TBCD: variants seen among roughly 807,000 people sequenced by gnomAD.
TBCD encodes tubulin-specific chaperone D.
In TBCD, 105 loss-of-function variants were observed where a neutral mutation model predicts 169.3. The observed-to-expected ratio is 0.62, with a 90% CI of 0.53 to 0.73. The LOEUF (loss-of-function observed/expected upper bound fraction) is 0.73, where lower values mean the gene tolerates loss of function less well. Ranked by LOEUF, TBCD falls within the 30% of genes least tolerant of loss-of-function variation. TBCD has a pLI of 0.00. For missense variants in TBCD, 1,444 were observed against 1,600.1 expected (o/e 0.90, Z 1.66); for synonymous variants, 700 against 643.9 (o/e 1.09, Z -1.32).
rs778221063 is a variant in TBCD at position 82,752,365 on chromosome 17, G to A, written c.172G>A (p.Glu58Lys). 16 of 1,358,472 alleles carry A rather than the reference G, an allele frequency of 1.2e-5. No individual in the cohort carries two copies. Among genetic ancestry groups the A allele is most frequent in the African/African-American group, 3.1e-5 (2 of 64,632 alleles). The allele number at this position is 1,358,472 out of a possible 1,614,324, so 84.2% of individuals were successfully genotyped here. The change falls in exon 1 of 39, where the codon GAG (glutamate) becomes AAG (lysine). Residue 58 changes from glutamate to lysine, a missense_variant. Glu to Lys is a moderately conservative substitution (Grantham distance 56, BLOSUM62 1). Transcript: ENST00000355528. ...CGGCGCGGAGCGCGAGGTGGCCCTGGAGCGGTTCCGCGGTGCGTGGGCGGC... is the reference window on the plus strand; with the variant it reads ...CGGCGCGGAGCGCGAGGTGGCCCTGAAGCGGTTCCGCGGTGCGTGGGCGGC... ...GGGAEREVAL[E>K]RFRVIMDKYQ...
intron 26 of TBCD, among the ~76,000 whole-genome samples, chr17:82,924,475 G>A (rs2061601910): frequency 6.6e-6 from 1 of 152,210 alleles, no homozygotes; most frequent in African/African-American, 2.4e-5. Context: ...TCTGCTTCAT[G>A]AATCGTACTT....
chr17:82,926,561 T>C (rs2061780422), intron 28 of TBCD, 70 bp downstream of exon 28: 7 of 1,360,782 alleles, frequency 5.1e-6, no homozygotes, highest in Non-Finnish European at 6.2e-6. Flanking sequence ...CTAAGGGGGA[T>C]GTTTTTGCTC....
At chr17:82,803,846 G>A (rs1281698820) in intron 9 of TBCD, among the ~76,000 whole-genome samples, 1 of 151,832 alleles carries the variant, frequency 6.6e-6, no homozygotes, top group Admixed American at 6.6e-5. Context: ...GGCGGCTGGG[G>A]TGCACCGGTC....
chr17:82,823,961 A>G (rs1048974559), intron 13 of TBCD, among the ~76,000 whole-genome samples: 3 of 151,828 alleles, frequency 2.0e-5, no homozygotes, highest in Non-Finnish European at 4.4e-5. Context: ...TTGTAACTCT[A>G]GTCTACTTTC....
rs1254399891 is a variant in TBCD, at chr17:82,890,657, G to A, written c.1563+960G>A. The stretch of plus-strand genomic sequence containing the variant: ...GTGGTGTGGGCGGCTTTCTGTAGAC[G>A]GAGCCCAGGAAGGGGCGTGACTACT... On this transcript the variant is annotated intron_variant, in intron 16 of 38. Coordinates refer to ENST00000355528, the MANE Select transcript of TBCD (RefSeq NM_005993.5). This position sits in a 1 kb window ranked among gnomAD's most constrained non-coding sequence, Gnocchi z 5.3. Among the ~76,000 whole-genome samples the A allele has an allele frequency of 3.3e-4, 50 of 152,272 alleles. No individual in the cohort carries two copies. Among genetic ancestry groups the A allele is most frequent in the Non-Finnish European group, 1.5e-4 (10 of 68,016 alleles).
intron 19 of TBCD, among the ~76,000 whole-genome samples, chr17:82,905,559 A>G (rs2060187225): frequency 1.1e-5 from 1 of 94,628 alleles, no homozygotes; most frequent in Non-Finnish European, 2.0e-5. Context: ...CCGTGTGTGC[A>G]CGCCGTCACC....
intron 34 of TBCD, among the ~76,000 whole-genome samples, chr17:82,936,374 C>T (rs1375354186): frequency 6.6e-6 from 1 of 151,350 alleles, no homozygotes; most frequent in African/African-American, 2.5e-5. Flanking sequence ...CTTCGCCGTT[C>T]CCTGCGGCCC....
chr17:82,859,343 C>T (rs532192255), intron 13 of TBCD, among the ~76,000 whole-genome samples: 1 of 149,362 alleles, frequency 6.7e-6, no homozygotes, highest in Admixed American at 6.7e-5. Flanking sequence ...TGTGTCCTCC[C>T]TACACTGACA....
chr17:82,768,490 G>A lies in TBCD; in HGVS notation c.506G>A (p.Arg169His). 4 of 1,613,632 alleles carry A rather than the reference G, an allele frequency of 2.5e-6. No homozygotes were observed. The highest frequency in any genetic ancestry group is 3.4e-6 in the Non-Finnish European group (4 of 1,179,806). ...TGCCTGATCCCTTTTGATTTTTCTCGCCTTGACGGGAACCTCCTCACCCAG... is the reference window on the plus strand; with the variant it reads ...TGCCTGATCCCTTTTGATTTTTCTCACCTTGACGGGAACCTCCTCACCCAG... ...VTCLIPFDFS[R>H]LDGNLLTQPG... The change falls in exon 5 of 39, where the codon CGC becomes CAC. Residue 169 changes from arginine to histidine, a missense_variant. Coordinates refer to ENST00000355528, the MANE Select transcript of TBCD (RefSeq NM_005993.5).
chr17:82,848,774 C>G (rs2055374785), intron 13 of TBCD, among the ~76,000 whole-genome samples: 1 of 152,240 alleles, frequency 6.6e-6, no homozygotes, highest in South Asian at 2.1e-4. Context: ...ATCCTCTCTC[C>G]TGTGTCTCCT....
intron 9 of TBCD, among the ~76,000 whole-genome samples, chr17:82,801,644 GGCGGC>G (rs2050545742): frequency 3.0e-5 from 3 of 98,522 alleles, no homozygotes; most frequent in East Asian, 3.3e-4. Context: ...GTGGCAGGAG[GGCGGC>G]GTGTGCGTTG....
In TBCD at chr17:82,939,208, T is replaced by C. The variant is rs1415391441; in HGVS notation, c.3370-159T>C. 4.5e-6 allele frequency: 3 copies of C among 666,878 alleles called. No homozygotes were observed. The African/African-American group carries it at 5.4e-5, about 12-fold the overall frequency. The allele number at this position is 666,878 out of a possible 1,614,324, so 41.3% of individuals were successfully genotyped here. A position where few individuals can be genotyped will look rare whatever the true frequency, so the allele number is the denominator to read the frequency against. ...GTTAATGGGCCTGGAAGGCACCTCC[T>C]CTTGGTTGCAGCCCTGCTGTGGCTG... On this transcript the variant is annotated intron_variant, in intron 36 of 38. Transcript: ENST00000355528.
intron 13 of TBCD, among the ~76,000 whole-genome samples, chr17:82,828,132 G>A (rs6502134): frequency 0.95 from 136,354 of 143,650 alleles, 64,724 homozygotes; most frequent in East Asian, 0.99. Flanking sequence ...CACCCACACA[G>A]TTGAATGTGC....
chr17:82,875,953 C>T (rs1397049662), intron 14 of TBCD, among the ~76,000 whole-genome samples: 1 of 152,026 alleles, frequency 6.6e-6, no homozygotes, highest in Admixed American at 6.6e-5. Flanking sequence ...ATAGGCAGGT[C>T]CGATATGATT....
intron 16 of TBCD, 66 bp from the exon 17 acceptor site, chr17:82,893,481 G>T: frequency 7.8e-7 from 1 of 1,288,490 alleles, no homozygotes; most frequent in Non-Finnish European, 1.1e-6. Flanking sequence ...TGTGATTATT[G>T]AACTTGGTGA....
intron 7 of TBCD, among the ~76,000 whole-genome samples, chr17:82,788,297 T>C (rs1382989525): frequency 6.6e-6 from 1 of 152,146 alleles, no homozygotes; most frequent in Non-Finnish European, 1.5e-5. Context: ...GCTTGCTGAT[T>C]GATAGTTGTG....
At chr17:82,849,332 C>T (rs1183503981) in intron 13 of TBCD, among the ~76,000 whole-genome samples, 3 of 148,460 alleles carry the variant, frequency 2.0e-5, no homozygotes, top group Non-Finnish European at 4.5e-5. Context: ...TGCGTCGGGG[C>T]TGCCTACCGG....
chr17:82,777,704 G>A (rs1381815352), intron 6 of TBCD, among the ~76,000 whole-genome samples: 5 of 152,250 alleles, frequency 3.3e-5, no homozygotes, highest in Non-Finnish European at 2.9e-5. Flanking sequence ...GATGGAACGT[G>A]AAGGCAGACT....
intron 13 of TBCD, among the ~76,000 whole-genome samples, chr17:82,818,341 GA>G (rs1487093417): frequency 3.9e-5 from 6 of 152,236 alleles, no homozygotes; most frequent in African/African-American, 1.4e-4. Context: ...AGGCAGGGGT[GA>G]AAGAGATCCC....
Sources: gnomAD v4.1 joint callset for allele counts (sites outside exome capture counted in the v4.1 genomes callset) on GRCh38, gnomAD v4.1.1 for gene constraint, Gnocchi (gnomAD v3.1) non-coding constraint, MANE v1.5 for transcripts, NCBI Gene and HGNC (gene_info 2026-07-23, HGNC 2026-07-21) for gene names.